The following NOTCH3 variants were observed in gnomAD, a reference collection of about 807,000 sequenced individuals.
NOTCH3 encodes the protein notch receptor 3, also known as neurogenic locus notch homolog protein 3.
NOTCH3 carries 86 observed loss-of-function variants against 213.3 expected under a neutral mutation model. The ratio of observed to expected loss-of-function variants is 0.40; its 90% confidence interval spans 0.34 to 0.48. NOTCH3 has a LOEUF of 0.48. Among genes scored for constraint, NOTCH3 ranks in the 20% least tolerant of loss-of-function variants. The probability of loss-of-function intolerance (pLI) is 0.57; values close to 1 mark genes in which losing one functional copy is unlikely to be tolerated. For missense variants in NOTCH3, 2,783 were observed against 3,272.6 expected, an observed-to-expected ratio of 0.85 and a Z score of 3.65; for synonymous variants, 1,354 against 1,355.9, an observed-to-expected ratio of 1.00 and a Z score of 0.03.
Position 15,181,706 on chromosome 19 carries a change from C to T in NOTCH3, c.2662G>A (p.Val888Met). The part of the protein sequence containing the change: ...GFAGPRCARD[V>M]DECLSNPCGP... ...CAGGGGTTGCTCAGGCACTCATCCA[C>T]ATCGCGGGCGCATCGTGGGCCGGCG... The change falls in exon 17 of 33, where the codon GTG becomes ATG. Residue 888 changes from valine (V) to methionine (M), a missense_variant. Coordinates refer to ENST00000263388, the MANE Select transcript of NOTCH3 (RefSeq NM_000435.3). 1 of 1,566,718 alleles carries T rather than the reference C, an allele frequency of 6.4e-7. No individual in the cohort carries two copies. Among genetic ancestry groups the T allele is most frequent in the Non-Finnish European group, 8.7e-7 (1 of 1,155,298 alleles).
intron 1 of NOTCH3, among the ~76,000 whole-genome samples, chr19:15,198,328 T>C (rs922103251): frequency 6.6e-6 from 1 of 152,116 alleles, no homozygotes; most frequent in Non-Finnish European, 1.5e-5. Flanking sequence ...GGGGACACAG[T>C]GCGTGTGTCC....
Position 15,185,253 on chromosome 19 carries a change from A to G in NOTCH3, c.2296+4T>C. On this transcript the variant is annotated splice_donor_region_variant and intron_variant, in intron 14 of 32. Transcript: ENST00000263388. The surrounding 1 kb of genome is among the most constrained non-coding windows in gnomAD (Gnocchi z 4.2). ...GGGCTGCAGAGGGAAGGTGAGGTACACACCCTGGACACCAGGCGGGCAGGT... is the reference window on the plus strand; with the variant it reads ...GGGCTGCAGAGGGAAGGTGAGGTACGCACCCTGGACACCAGGCGGGCAGGT... 1 of 1,613,126 alleles carries G rather than the reference A, an allele frequency of 6.2e-7. No homozygotes were observed. Among genetic ancestry groups the G allele is most frequent in the East Asian group, 2.2e-5 (1 of 44,878 alleles).
chr19:15,180,672 C>T lies in NOTCH3; in HGVS notation c.3142+9G>A, dbSNP rs2145421387. 1 of 1,549,594 alleles carries T rather than the reference C, an allele frequency of 6.5e-7. No homozygotes were observed. The highest frequency in any genetic ancestry group is 2.4e-5 in the East Asian group (1 of 41,238). On this transcript the variant is annotated intron_variant, in intron 19 of 32. Coordinates refer to ENST00000263388, the MANE Select transcript of NOTCH3 (RefSeq NM_000435.3). ...GGCCCCACACGCCCGCCCACATGCTCCCACTCACCGATCTGGGCTGCGGCC... is the reference window on the plus strand; with the variant it reads ...GGCCCCACACGCCCGCCCACATGCTTCCACTCACCGATCTGGGCTGCGGCC...
chr19:15,182,548 T>C (rs2046849329), intron 16 of NOTCH3, among the ~76,000 whole-genome samples: 1 of 151,954 alleles, frequency 6.6e-6, no homozygotes, highest in Non-Finnish European at 1.5e-5. Context: ...TCATTAACAA[T>C]TTTATACTGG....
Position 15,163,026 on chromosome 19 carries a change from C to A in NOTCH3, c.5816-464G>T, listed in dbSNP as rs577637188. On this transcript the variant is annotated intron_variant, in intron 31 of 32. Coordinates refer to ENST00000263388, the MANE Select transcript of NOTCH3 (RefSeq NM_000435.3). ...TCAGGCGATTTTCCTGCCTCAGCCTCCCTAGTAGCTGGGACTACAGGCATG... is the reference window on the plus strand; with the variant it reads ...TCAGGCGATTTTCCTGCCTCAGCCTACCTAGTAGCTGGGACTACAGGCATG... Among the ~76,000 whole-genome samples the A allele has an allele frequency of 4.0e-4, 61 of 152,246 alleles. 1 individual carries two copies. Among genetic ancestry groups the A allele is most frequent in the African/African-American group, 1.5e-3 (61 of 41,556 alleles).
At chr19:15,197,441 G>GCCCCCCCCCCC in intron 2 of NOTCH3, 59 bp downstream of exon 2, 1 of 768,356 alleles carries the variant, frequency 1.3e-6, no homozygotes, top group Non-Finnish European at 2.3e-6. Context: ...AAGACAAATC[G>GCCCCCCCCCCC]CCCCTCCCCC....
At chr19:15,166,529 C>T (rs35058184) in intron 29 of NOTCH3, among the ~76,000 whole-genome samples, 17,345 of 152,066 alleles carry the variant, frequency 0.11, 3,036 homozygotes, top group African/African-American at 0.38. Context: ...AAAAGAGCTG[C>T]CCCCAGGGAC....
chr19:15,184,129 G>C (rs2046862093), intron 16 of NOTCH3, among the ~76,000 whole-genome samples, 166 bp downstream of exon 16: 1 of 149,866 alleles, frequency 6.7e-6, no homozygotes, highest in Admixed American at 6.7e-5. Context: ...CCATGGGCTT[G>C]CACAAGAAGT....
At chr19:15,164,793 CTGT>C (rs1221476039) in intron 31 of NOTCH3, among the ~76,000 whole-genome samples, 1 of 37,120 alleles carries the variant, frequency 2.7e-5, no homozygotes, top group African/African-American at 1.6e-4. Context: ...CGTCTGGAGA[CTGT>C]TTTTTTTTTT....
At position 15,165,445 on chromosome 19, in the gene NOTCH3, G is replaced by T; in HGVS notation, c.5738C>A (p.Ala1913Glu). ...CATGCCCTCTACTGCCAGGCGGGCC[G>T]CCAGGATCAGTGCCGTTGAGCCATC... Reference protein sequence around the residue: ...MADGSTALILAARLAVEGMVE... With the variant: ...MADGSTALILEARLAVEGMVE... Residue 1913 changes from alanine to glutamate, a missense_variant, in exon 31 of 33, where the codon GCG becomes GAG. Ala to Glu is a moderately radical substitution (Grantham distance 107). This residue lies in a region of NOTCH3 where 636 missense variants were observed against 801.8 expected (regional missense o/e 0.79). Coordinates refer to ENST00000263388, the MANE Select transcript of NOTCH3 (RefSeq NM_000435.3). This position sits in a 1 kb window ranked among gnomAD's most constrained non-coding sequence, Gnocchi z 4.7. 1 of 1,612,392 alleles carries T rather than the reference G, an allele frequency of 6.2e-7. No individual in the cohort carries two copies. Among genetic ancestry groups the T allele is most frequent in the Non-Finnish European group, 8.5e-7 (1 of 1,179,986 alleles).
Position 15,161,274 on chromosome 19 carries a change from AG to A in NOTCH3, c.6353del (p.Pro2118LeufsTer31). On this transcript the variant is annotated frameshift_variant, in exon 33 of 33. Transcript: ENST00000263388. LOFTEE classifies it low-confidence loss of function (END_TRUNC). ...AGGGCCCCTCAAGGGGGAAGCCACC[AG>A]GGGAAGCAGGGGGCCCACCGAAAGG... ...PRPFGGPPASPGGFPLEGPYA... is the reference protein window; with the variant it reads ...PRPFGGPPASXGGFPLEGPYA... 1 of 1,539,982 alleles carries A rather than the reference AG, an allele frequency of 6.5e-7. No individual in the cohort carries two copies.
At chr19:15,167,456 C>G (rs1157509366) in intron 28 of NOTCH3, 45 bp from the exon 29 acceptor site, 1 of 1,587,816 alleles carries the variant, frequency 6.3e-7, no homozygotes. Context: ...CCCTTTGGTG[C>G]TGGGGAGAGC....
At chr19:15,186,138 A>AT (rs1279490824) in intron 12 of NOTCH3, among the ~76,000 whole-genome samples, 2 of 151,560 alleles carry the variant, frequency 1.3e-5, no homozygotes, top group Non-Finnish European at 2.9e-5. Context: ...GAGTGTGTTT[A>AT]TTTTTTGTAG....
In NOTCH3 at chr19:15,177,636, A is replaced by C. The variant is rs1335906035; in HGVS notation, c.4292T>G (p.Leu1431Arg). The change falls in exon 24 of 33, where the codon CTG becomes CGG. Residue 1431 changes from leucine to arginine, a missense_variant. Transcript: ENST00000263388. ...VGDPWRQCEA[L>R]QCWRLFNNSR... ...GTTGTTGAAGAGGCGCCAGCACTGC[A>C]GCGCCTCGCATTGCCGCCAGGGGTC... 10 of 1,573,794 alleles carry C rather than the reference A, an allele frequency of 6.4e-6. No homozygotes were observed. The highest frequency in any genetic ancestry group is 7.7e-6 in the Non-Finnish European group (9 of 1,164,914).
chr19:15,180,023 C>G lies in NOTCH3; in HGVS notation c.3327+49G>C, dbSNP rs770089515. 3.0e-6 allele frequency: 4 copies of G among 1,342,526 alleles called. No individual in the cohort carries two copies. The South Asian group carries it at 4.7e-5, about 16-fold the overall frequency. The allele number at this position is 1,342,526 out of a possible 1,614,324, so 83.2% of individuals were successfully genotyped here. A position where few individuals can be genotyped will look rare whatever the true frequency, so the allele number is the denominator to read the frequency against. ...ACACAGAAATGTGTGCCCAGACGCA[C>G]CCAAGCATGCCCACCTCCTCTTCCC... On this transcript the variant is annotated intron_variant, in intron 20 of 32. Coordinates refer to ENST00000263388, the MANE Select transcript of NOTCH3 (RefSeq NM_000435.3).
Position 15,160,873 on chromosome 19 carries a change from G to A in NOTCH3, c.6755C>T (p.Pro2252Leu), listed in dbSNP as rs201073642. The A allele has an allele frequency of 1.2e-6, 2 of 1,613,540 alleles. No individual in the cohort carries two copies. The highest frequency in any genetic ancestry group is 1.7e-5 in the Admixed American group (1 of 59,992). Residue 2252 changes from proline (P) to leucine (L), a missense_variant, in exon 33 of 33, where the codon CCT (proline) becomes CTT (leucine). Transcript: ENST00000263388. ...AGGTGAGGGGCTGGCCCAGTGCTCA[G>A]GGGATTCGGGGGATGGGGTCAGGTA... Reference protein sequence around the residue: ...HPYLTPSPESPEHWASPSPPS... With the variant: ...HPYLTPSPESLEHWASPSPPS...
chr19:15,189,538 G>T, intron 6 of NOTCH3, 110 bp from the exon 7 acceptor site: 1 of 1,406,798 alleles, frequency 7.1e-7, no homozygotes, highest in Non-Finnish European at 9.9e-7. Context: ...TGTTTTTTGA[G>T]ACGAAGTTTC....
chr19:15,178,836 C>G lies in NOTCH3; in HGVS notation c.3824G>C (p.Cys1275Ser), dbSNP rs1233852719. The stretch of plus-strand genomic sequence containing the variant: ...ACCCACACCTACCTGGGCACAGTGA[C>G]AGGTGAAGGTCAGCCCACCCCCAGG... The part of the protein sequence containing the change: ...PGPGGGLTFT[C>S]HCAQPFWGPR... The change falls in exon 23 of 33, where the codon TGT (cysteine) becomes TCT (serine). Residue 1275 changes from cysteine to serine, a missense_variant. This residue lies in a region of NOTCH3 where 861 missense variants were observed against 909.1 expected (regional missense o/e 0.95). Transcript: ENST00000263388. 2 of 1,596,846 alleles carry G rather than the reference C, an allele frequency of 1.3e-6. No individual in the cohort carries two copies. The highest frequency in any genetic ancestry group is 1.7e-6 in the Non-Finnish European group (2 of 1,171,674).
chr19:15,178,699 T>C, intron 23 of NOTCH3, 124 bp downstream of exon 23: 1 of 766,404 alleles, frequency 1.3e-6, no homozygotes. Context: ...TGTCAGCATT[T>C]TCCAGAAACT....
Sources: gnomAD v4.1 joint callset for allele counts (sites outside exome capture counted in the v4.1 genomes callset) on GRCh38, gnomAD v4.1.1 for gene constraint, gnomAD v4.1.1 regional missense constraint, Gnocchi (gnomAD v3.1) non-coding constraint, MANE v1.5 for transcripts, NCBI Gene and HGNC (gene_info 2026-07-23, HGNC 2026-07-21) for gene names.